The following FOCAD variants were observed in gnomAD, a reference collection of about 807,000 sequenced individuals.
FOCAD encodes the protein KIAA1797.
A neutral mutation model predicts 225.6 loss-of-function variants in FOCAD; 198 were observed. The ratio of observed to expected loss-of-function variants is 0.88; its 90% confidence interval spans 0.78 to 0.99. The LOEUF (loss-of-function observed/expected upper bound fraction) is 0.99. FOCAD is among the 50% of genes least tolerant of loss of function. The probability of loss-of-function intolerance (pLI) is 0.00; values close to 1 mark genes in which losing one functional copy is unlikely to be tolerated. For missense variants in FOCAD, 2,713 were observed against 2,123.6 expected, an observed-to-expected ratio of 1.28 and a Z score of -5.46; for synonymous variants, 897 against 755.0, an observed-to-expected ratio of 1.19 and a Z score of -3.08.
At chr9:20,822,268 G>C (rs1236840891) in intron 14 of FOCAD, among the ~76,000 whole-genome samples, 3 of 151,920 alleles carry the variant, frequency 2.0e-5, no homozygotes, top group Non-Finnish European at 2.9e-5. Flanking sequence ...CCACTTGTGG[G>C]ACAGTGAAAC....
intron 15 of FOCAD, among the ~76,000 whole-genome samples, chr9:20,839,749 A>G (rs998042468): frequency 1.3e-5 from 2 of 152,136 alleles, no homozygotes; most frequent in Non-Finnish European, 2.9e-5. Flanking sequence ...AATCACATCA[A>G]GGTTAATGGA....
chr9:20,995,605 A>G lies in FOCAD; in HGVS notation c.5382A>G (p.Val1794=). 2 of 1,612,920 alleles carry G rather than the reference A, an allele frequency of 1.2e-6. No homozygotes were observed. Among genetic ancestry groups the G allele is most frequent in the South Asian group, 1.1e-5 (1 of 91,080 alleles). The stretch of plus-strand genomic sequence containing the variant: ...TCCCAGAGTTTAAGAAGAAAGCTGT[A>G]TGGACCAGAGCATATGGTTGGTGAA... ...RVLPEFKKKA[V]WTRAYGW is the part of the protein sequence containing the mutation. The change falls in exon 44 of 44, where the codon GTA becomes GTG. Residue 1794 remains valine (V), a synonymous_variant. Coordinates refer to ENST00000338382, the MANE Select transcript of FOCAD (RefSeq NM_001375567.1).
chr9:20,658,075 C>T (rs905572849), upstream of FOCAD, among the ~76,000 whole-genome samples: 73 of 148,610 alleles, frequency 4.9e-4, no homozygotes, highest in East Asian at 2.4e-3. Context: ...GGGGTGCCTC[C>T]CAGTTAGGCT....
Position 20,885,148 on chromosome 9 carries a change from G to A in FOCAD, c.2543G>A (p.Ser848Asn), listed in dbSNP as rs1323802242. ...TGCTATGATGTTTCCATGTATCAGA[G>A]TAAAGATGGAAAACCATTGAACAGA... The part of the protein sequence containing the change: ...LFCYDVSMYQ[S>N]KDGKPLNRLM... The change falls in exon 21 of 44, where the codon AGT becomes AAT. Residue 848 changes from serine to asparagine, a missense_variant. Ser to Asn is a conservative substitution (Grantham distance 46). Transcript: ENST00000338382. 3 of 1,539,502 alleles carry A rather than the reference G, an allele frequency of 1.9e-6. No homozygotes were observed. Among genetic ancestry groups the A allele is most frequent in the Non-Finnish European group, 2.6e-6 (3 of 1,141,344 alleles).
intron 35 of FOCAD, among the ~76,000 whole-genome samples, chr9:20,957,824 A>G (rs1158728579): frequency 1.3e-5 from 2 of 151,106 alleles, no homozygotes; most frequent in Non-Finnish European, 3.0e-5. Flanking sequence ...TTTAGTGAAC[A>G]TCGTTATGCA....
intron 1 of FOCAD, among the ~76,000 whole-genome samples, chr9:20,714,005 A>AC (rs1462780926): frequency 1.3e-5 from 2 of 152,228 alleles, no homozygotes; most frequent in African/African-American, 4.8e-5. Context: ...GGAAAGTTGG[A>AC]CATAGATGTC....
chr9:20,787,243 A>G (rs1002142845), intron 10 of FOCAD, among the ~76,000 whole-genome samples: 2 of 152,210 alleles, frequency 1.3e-5, no homozygotes, highest in African/African-American at 4.8e-5. Flanking sequence ...TTTCCAAATT[A>G]TATTCATTTA....
intron 4 of FOCAD, among the ~76,000 whole-genome samples, chr9:20,720,820 A>G (rs1016016954): frequency 5.9e-5 from 9 of 152,234 alleles, no homozygotes; most frequent in African/African-American, 2.2e-4. Context: ...CAAAAATGTA[A>G]TGCAGATTCC....
chr9:20,986,505 A>G lies in FOCAD; in HGVS notation c.4906+40A>G, dbSNP rs773497766. The G allele has an allele frequency of 5.9e-6, 9 of 1,527,592 alleles. No individual in the cohort carries two copies. The East Asian group carries it at 2.2e-4, about 37-fold the overall frequency. The allele number at this position is 1,527,592 out of a possible 1,614,324, so 94.6% of individuals were successfully genotyped here. ...GGGTGAACATCAGAAACAGGAATAG[A>G]TCTGCCTGCTGTTGCTTTTAAGTTG... On this transcript the variant is annotated intron_variant, in intron 40 of 43. Coordinates refer to ENST00000338382, the MANE Select transcript of FOCAD (RefSeq NM_001375567.1).
chr9:20,840,427 A>G (rs570236735), intron 15 of FOCAD, among the ~76,000 whole-genome samples: 6 of 95,174 alleles, frequency 6.3e-5, no homozygotes, highest in African/African-American at 2.2e-4. Flanking sequence ...ATGTAGAGGT[A>G]TATCATTTTA....
At chr9:20,790,640 A>G (rs991286427) in intron 11 of FOCAD, among the ~76,000 whole-genome samples, 3 of 152,102 alleles carry the variant, frequency 2.0e-5, no homozygotes, top group African/African-American at 4.8e-5. Context: ...GTGCAGTGAC[A>G]TGCACCTGTA....
intron 4 of FOCAD, among the ~76,000 whole-genome samples, chr9:20,739,324 C>T (rs1827407791): frequency 6.6e-6 from 1 of 152,152 alleles, no homozygotes; most frequent in African/African-American, 2.4e-5. Flanking sequence ...TACTTTTTGG[C>T]TGGGCACAGT....
At chr9:20,757,376 G>A (rs1372788939) in intron 5 of FOCAD, among the ~76,000 whole-genome samples, 1 of 152,074 alleles carries the variant, frequency 6.6e-6, no homozygotes, top group Non-Finnish European at 1.5e-5. Flanking sequence ...ACTCATGGTT[G>A]TACTTTTTGT....
intron 22 of FOCAD, 41 bp from the exon 23 acceptor site, chr9:20,912,825 C>T: frequency 6.6e-7 from 1 of 1,504,956 alleles, no homozygotes; most frequent in Non-Finnish European, 9.2e-7. Flanking sequence ...ATCACTTCAG[C>T]CATCGAGTTC....
chr9:20,817,174 T>A (rs1823812651), intron 11 of FOCAD, among the ~76,000 whole-genome samples: 1 of 152,208 alleles, frequency 6.6e-6, no homozygotes, highest in Non-Finnish European at 1.5e-5. Context: ...ATTTACCAAA[T>A]AATTTTGAAT....
At chr9:20,747,221 G>A (rs978771708) in intron 5 of FOCAD, among the ~76,000 whole-genome samples, 1 of 152,112 alleles carries the variant, frequency 6.6e-6, no homozygotes, top group Non-Finnish European at 1.5e-5. Flanking sequence ...AAAAGAGATA[G>A]CTATTTGGTT....
At position 20,994,081 on chromosome 9, in the gene FOCAD, C is replaced by T. The variant is rs564196987; in HGVS notation, c.5332+753C>T. 1.2e-4 allele frequency among the ~76,000 whole-genome samples: 18 copies of T among 152,216 alleles called. No individual in the cohort carries two copies. The South Asian group carries it at 3.1e-3, about 26-fold the overall frequency. On this transcript the variant is annotated intron_variant, in intron 43 of 43. Transcript: ENST00000338382. ...TCAAATACTGCCTTTTTAATTTTAA[C>T]ATTCTTTTTCAAACATCTAAACCTG...
chr9:20,725,950 A>C (rs964251588), intron 4 of FOCAD, among the ~76,000 whole-genome samples: 1 of 152,202 alleles, frequency 6.6e-6, no homozygotes, highest in Non-Finnish European at 1.5e-5. Flanking sequence ...GAGCTCTAAA[A>C]TGTTCTTTTC....
intron 11 of FOCAD, among the ~76,000 whole-genome samples, chr9:20,817,287 C>A (rs1297047931): frequency 6.6e-6 from 1 of 152,012 alleles, no homozygotes; most frequent in African/African-American, 2.4e-5. Context: ...GTTTTGTAAA[C>A]ATTACTACAA....
Sources: allele counts gnomAD v4.1 joint callset (sites outside exome capture counted in the v4.1 genomes callset), GRCh38; gene constraint gnomAD v4.1.1; transcripts MANE v1.5; gene names NCBI Gene and HGNC (gene_info 2026-07-23, HGNC 2026-07-21).